The following CNTN1 variants were observed in gnomAD, a reference collection of about 807,000 sequenced individuals.
CNTN1 encodes the protein contactin 1, also known as contactin-1.
Under a neutral mutation model 126.4 loss-of-function variants are expected in CNTN1, and 38 were observed. The ratio of observed to expected loss-of-function variants is 0.30; its 90% CI spans 0.23 to 0.39. The LOEUF (loss-of-function observed/expected upper bound fraction) is 0.39. Among genes scored for constraint, CNTN1 ranks in the 10% least tolerant of loss-of-function variants. The pLI, the probability that CNTN1 is intolerant of heterozygous loss-of-function variation, is 1.00. For missense variants in CNTN1, 1,009 were observed against 1,248.4 expected (o/e 0.81, Z 2.89); for synonymous variants, 413 against 422.6 (o/e 0.98, Z 0.28).
At chr12:40,843,389 T>C (rs984015298) in intron 1 of CNTN1, among the ~76,000 whole-genome samples, 3 of 152,210 alleles carry the variant, frequency 2.0e-5, no homozygotes, top group Non-Finnish European at 4.4e-5. Context: ...TGGCTTATGC[T>C]GAAGTTAATG....
chr12:41,070,175 C>T lies in CNTN1; in HGVS notation c.*140C>T. On this transcript the variant is annotated 3_prime_UTR_variant, in exon 24 of 24. Transcript: ENST00000551295. ...TTTAACAAACTATTCAACTGATTTA[C>T]AACACACATGATGACTGAGGCATTC... 1 of 757,406 alleles carries T rather than the reference C, an allele frequency of 1.3e-6. No homozygotes were observed. The highest frequency in any genetic ancestry group is 2.3e-6 in the Non-Finnish European group (1 of 433,756). The allele number at this position is 757,406 out of a possible 1,614,324, so 46.9% of individuals were successfully genotyped here. A position where few individuals can be genotyped will look rare whatever the true frequency, so the allele number is the denominator to read the frequency against.
At chr12:40,861,231 C>G (rs946963645) in intron 1 of CNTN1, among the ~76,000 whole-genome samples, 10 of 151,990 alleles carry the variant, frequency 6.6e-5, no homozygotes, top group African/African-American at 2.4e-4. Context: ...TTTTCTCTTT[C>G]TGCAGACTTA....
intron 23 of CNTN1, among the ~76,000 whole-genome samples, chr12:41,042,948 T>A (rs1018082633): frequency 6.6e-6 from 1 of 152,206 alleles, no homozygotes; most frequent in Non-Finnish European, 1.5e-5. Flanking sequence ...GCTAGCCATA[T>A]GTAGAAAGCT....
At chr12:40,942,472 T>C (rs1946293236) in intron 12 of CNTN1, among the ~76,000 whole-genome samples, 1 of 152,136 alleles carries the variant, frequency 6.6e-6, no homozygotes, top group Non-Finnish European at 1.5e-5. Flanking sequence ...CATTCAAAAA[T>C]GCATATCAGA....
At chr12:40,917,815 A>C (rs551170005) in intron 3 of CNTN1, among the ~76,000 whole-genome samples, 10 of 152,170 alleles carry the variant, frequency 6.6e-5, no homozygotes, top group Non-Finnish European at 1.5e-4. Context: ...CAGGGAGAAT[A>C]GACCATGAGG....
At chr12:40,950,925 AT>A (rs893218416) in intron 14 of CNTN1, among the ~76,000 whole-genome samples, 8 of 151,806 alleles carry the variant, frequency 5.3e-5, no homozygotes, top group Non-Finnish European at 8.8e-5. Context: ...AAGCATATAT[AT>A]ATATAAGAAT....
intron 19 of CNTN1, among the ~76,000 whole-genome samples, chr12:41,020,132 C>T (rs1318630122): frequency 4.0e-5 from 6 of 151,894 alleles, no homozygotes; most frequent in Non-Finnish European, 8.8e-5. Context: ...GCACATGTAT[C>T]ACTAATGCCA....
intron 1 of CNTN1, among the ~76,000 whole-genome samples, chr12:40,701,461 T>A (rs1941593950): frequency 6.6e-6 from 1 of 152,134 alleles, no homozygotes; most frequent in South Asian, 2.1e-4. Context: ...TCATGGTTAC[T>A]AAAAGTACAG....
chr12:40,935,109 T>C (rs1279454461), intron 9 of CNTN1, among the ~76,000 whole-genome samples: 2 of 152,004 alleles, frequency 1.3e-5, no homozygotes, highest in African/African-American at 2.4e-5. Context: ...TTAGACACAC[T>C]CTGTACCCTG....
intron 1 of CNTN1, among the ~76,000 whole-genome samples, chr12:40,703,685 G>C (rs1006218547): frequency 2.0e-5 from 3 of 152,102 alleles, no homozygotes; most frequent in African/African-American, 7.2e-5. Flanking sequence ...ACATGTAAAG[G>C]GGCCTGTTTC....
chr12:40,898,780 G>A (rs577459325), intron 1 of CNTN1, among the ~76,000 whole-genome samples: 3 of 152,232 alleles, frequency 2.0e-5, no homozygotes, highest in Admixed American at 6.5e-5. Context: ...CTCCCTTCAG[G>A]GGTGGTCTCG....
intron 1 of CNTN1, among the ~76,000 whole-genome samples, chr12:40,867,310 G>C (rs925195270): frequency 2.0e-5 from 3 of 152,004 alleles, no homozygotes; most frequent in African/African-American, 4.8e-5. Flanking sequence ...GCAGGGGAAA[G>C]AAAAATATAT....
intron 1 of CNTN1, among the ~76,000 whole-genome samples, chr12:40,776,911 T>C (rs1939604317): frequency 6.6e-6 from 1 of 151,702 alleles, no homozygotes; most frequent in African/African-American, 2.4e-5. Context: ...CTGGCCACAC[T>C]TTTATACTGT....
At chr12:40,955,833 C>T (rs1222727350) in intron 14 of CNTN1, among the ~76,000 whole-genome samples, 1 of 151,924 alleles carries the variant, frequency 6.6e-6, no homozygotes, top group Non-Finnish European at 1.5e-5. Flanking sequence ...GGAGGGGTAT[C>T]CAAAATGTGG....
chr12:40,992,455 T>C (rs1948117738), intron 16 of CNTN1, among the ~76,000 whole-genome samples: 1 of 152,086 alleles, frequency 6.6e-6, no homozygotes, highest in Non-Finnish European at 1.5e-5. Context: ...AATGCACAGA[T>C]CTACCTTGGT....
chr12:40,790,510 A>C (rs1940179736), intron 1 of CNTN1, among the ~76,000 whole-genome samples: 1 of 152,142 alleles, frequency 6.6e-6, no homozygotes, highest in Non-Finnish European at 1.5e-5. Flanking sequence ...TATCTCCCTT[A>C]GAAAAATAGA....
chr12:40,809,299 G>A (rs895268056), intron 1 of CNTN1, among the ~76,000 whole-genome samples: 2 of 152,118 alleles, frequency 1.3e-5, no homozygotes, highest in African/African-American at 4.8e-5. Context: ...TTATGAAGAA[G>A]CAAAGTTGAT....
intron 1 of CNTN1, among the ~76,000 whole-genome samples, chr12:40,756,858 G>A (rs1938631104): frequency 6.6e-6 from 1 of 152,006 alleles, no homozygotes; most frequent in Non-Finnish European, 1.5e-5. Context: ...TTATATACTG[G>A]ACACTCCTTC....
At chr12:40,897,183 T>C (rs775531096) in intron 1 of CNTN1, among the ~76,000 whole-genome samples, 2 of 152,172 alleles carry the variant, frequency 1.3e-5, no homozygotes, top group African/African-American at 2.4e-5. Flanking sequence ...TCAGAGAGTA[T>C]AGTAAGAGAA....
Sources: allele counts gnomAD v4.1 joint callset (sites outside exome capture counted in the v4.1 genomes callset), GRCh38; gene constraint gnomAD v4.1.1; transcripts MANE v1.5; gene names NCBI Gene and HGNC (gene_info 2026-07-23, HGNC 2026-07-21).